MYO3A: variants seen among roughly 807,000 people sequenced by gnomAD.
MYO3A encodes the protein myosin-IIIa.
In MYO3A, 180 loss-of-function variants were observed where a neutral mutation model predicts 192.7. The observed-to-expected ratio is 0.93, with a 90% CI of 0.83 to 1.06. The LOEUF (loss-of-function observed/expected upper bound fraction) is 1.06. MYO3A is among the 50% of genes least tolerant of loss of function. The pLI, the probability that MYO3A is intolerant of heterozygous loss-of-function variation, is 0.00. For synonymous variants in MYO3A, 628 were observed against 645.3 expected, an observed-to-expected ratio of 0.97 and a Z score of 0.41; for missense variants, 1,896 against 1,905.0, an observed-to-expected ratio of 1.00 and a Z score of 0.09.
intron 32 of MYO3A, among the ~76,000 whole-genome samples, chr10:26,196,735 C>T (rs2132172274): frequency 6.6e-6 from 1 of 152,130 alleles, no homozygotes; most frequent in Middle Eastern, 3.4e-3. Flanking sequence ...ATTTTAAACC[C>T]TTTCTTGATG....
At chr10:26,146,811 C>A (rs968142429) in intron 22 of MYO3A, among the ~76,000 whole-genome samples, 2 of 151,870 alleles carry the variant, frequency 1.3e-5, no homozygotes, top group African/African-American at 4.8e-5. Context: ...TAACATTGAT[C>A]TTTAAAAAGT....
chr10:25,995,645 T>G (rs1840380153), intron 4 of MYO3A, among the ~76,000 whole-genome samples: 1 of 152,236 alleles, frequency 6.6e-6, no homozygotes, highest in African/African-American at 2.4e-5. Flanking sequence ...TATCTACCTT[T>G]GGTCTTTAAT....
intron 29 of MYO3A, among the ~76,000 whole-genome samples, chr10:26,172,328 G>T (rs77339175): frequency 1.3e-5 from 2 of 152,198 alleles, no homozygotes; most frequent in Non-Finnish European, 2.9e-5. Context: ...GGCCCAGGCC[G>T]GCAGGGCTCT....
At chr10:26,145,755 C>T (rs1003458990) in intron 22 of MYO3A, among the ~76,000 whole-genome samples, 5 of 152,154 alleles carry the variant, frequency 3.3e-5, no homozygotes, top group Admixed American at 6.5e-5. Context: ...CCAGGGCATG[C>T]GCTTCTAGCA....
At chr10:26,065,541 C>T (rs1352067698) in intron 10 of MYO3A, among the ~76,000 whole-genome samples, 8 of 136,212 alleles carry the variant, frequency 5.9e-5, no homozygotes, top group Non-Finnish European at 1.1e-4. Flanking sequence ...GCTGAGATCA[C>T]GCCACAGCAT....
In MYO3A at chr10:26,166,120, C is replaced by G; in HGVS notation, c.3053C>G (p.Thr1018Ser). ...GAGGAGCCCCGCATGAGCCCTGACA[C>G]CTGTGCCACCATTTTGGAAAAAGCT... ...SSEEPRMSPD[T>S]CATILEKAGL... Residue 1018 changes from threonine to serine, a missense_variant, in exon 27 of 35, where the codon ACC becomes AGC. Coordinates refer to ENST00000642920, the MANE Select transcript of MYO3A (RefSeq NM_017433.5). 6.2e-7 allele frequency: 1 copy of G among 1,614,084 alleles called. No individual in the cohort carries two copies.
chr10:25,995,936 G>T (rs112147866), intron 4 of MYO3A, among the ~76,000 whole-genome samples: 6,551 of 152,318 alleles, frequency 0.043, 175 homozygotes, highest in Middle Eastern at 0.068. Flanking sequence ...TCCCAGAAAG[G>T]CAACTCGGGG....
intron 31 of MYO3A, among the ~76,000 whole-genome samples, chr10:26,183,839 G>A (rs1842734302): frequency 6.6e-6 from 1 of 152,144 alleles, no homozygotes; most frequent in Non-Finnish European, 1.5e-5. Context: ...CTCAGAGCAG[G>A]ACAAGCACGT....
intron 10 of MYO3A, among the ~76,000 whole-genome samples, chr10:26,032,885 T>A (rs1276180289): frequency 3.3e-5 from 5 of 152,172 alleles, no homozygotes; most frequent in Non-Finnish European, 7.4e-5. Context: ...TGTTGAGAAT[T>A]ATTCACCCTT....
intron 26 of MYO3A, among the ~76,000 whole-genome samples, chr10:26,161,100 T>C (rs1841466674): frequency 6.6e-6 from 1 of 152,220 alleles, no homozygotes; most frequent in Admixed American, 6.5e-5. Context: ...ATAGCTGTTC[T>C]GAATACAGGA....
At chr10:26,161,335 A>G (rs887495144) in intron 26 of MYO3A, among the ~76,000 whole-genome samples, 1 of 152,258 alleles carries the variant, frequency 6.6e-6, no homozygotes, top group Non-Finnish European at 1.5e-5. Flanking sequence ...AAGGAAAAAT[A>G]TACAACATGA....
At chr10:26,120,062 T>G in intron 17 of MYO3A, among the ~76,000 whole-genome samples, 1 of 147,380 alleles carries the variant, frequency 6.8e-6, no homozygotes, top group African/African-American at 2.5e-5. Flanking sequence ...TACACAGGAG[T>G]CGCAGGTGGG....
intron 2 of MYO3A, among the ~76,000 whole-genome samples, chr10:25,937,058 C>A (rs558508813): frequency 7.0e-6 from 1 of 142,124 alleles, no homozygotes; most frequent in East Asian, 1.9e-4. Context: ...AGAAATGTTT[C>A]TTTGGGTCAG....
At chr10:26,079,315 A>AC (rs1415995745) in intron 14 of MYO3A, among the ~76,000 whole-genome samples, 1 of 151,990 alleles carries the variant, frequency 6.6e-6, no homozygotes, top group Non-Finnish European at 1.5e-5. Context: ...AATAATAGCT[A>AC]CCCCTGCTTG....
chr10:25,997,585 A>G (rs913077737), intron 6 of MYO3A, among the ~76,000 whole-genome samples: 6 of 152,224 alleles, frequency 3.9e-5, no homozygotes, highest in African/African-American at 1.2e-4. Flanking sequence ...ATTGCTTTGC[A>G]AATGGACATA....
intron 4 of MYO3A, among the ~76,000 whole-genome samples, chr10:25,980,786 A>G (rs748293310): frequency 2.0e-5 from 3 of 152,222 alleles, no homozygotes; most frequent in Non-Finnish European, 2.9e-5. Flanking sequence ...GTAAAGAGCT[A>G]TATAAGCTTC....
At chr10:25,955,153 C>T (rs1021828591) in intron 4 of MYO3A, 145 bp downstream of exon 4, 1 of 1,188,888 alleles carries the variant, frequency 8.4e-7, no homozygotes, top group Non-Finnish European at 1.2e-6. Flanking sequence ...CTAGTTTTGG[C>T]CTTGCCTTCT....
intron 34 of MYO3A, chr10:26,204,044 C>G (rs1843795825): frequency 6.6e-6 from 1 of 152,198 alleles, no homozygotes; most frequent in African/African-American, 2.4e-5. Context: ...GAAAGGTGTT[C>G]TATCAGTGGT....
At chr10:26,148,527 T>A (rs1175038158) in intron 23 of MYO3A, among the ~76,000 whole-genome samples, 1 of 152,196 alleles carries the variant, frequency 6.6e-6, no homozygotes, top group African/African-American at 2.4e-5. Flanking sequence ...TGTCAATTTC[T>A]ACCAAAAATC....
Sources: gnomAD v4.1 joint callset for allele counts (sites outside exome capture counted in the v4.1 genomes callset) on GRCh38, gnomAD v4.1.1 for gene constraint, MANE v1.5 for transcripts, NCBI Gene and HGNC (gene_info 2026-07-23, HGNC 2026-07-21) for gene names.